CCDC171: variants seen among roughly 807,000 people sequenced by gnomAD.
CCDC171 encodes coiled-coil domain-containing protein 171.
A neutral mutation model predicts 168.2 loss-of-function variants in CCDC171; 177 were observed. The ratio of observed to expected loss-of-function variants is 1.05; its 90% CI spans 0.93 to 1.19. The LOEUF (loss-of-function observed/expected upper bound fraction) is 1.19, where lower values mean the gene tolerates loss of function less well. Among genes scored for constraint, CCDC171 ranks in the 50% most tolerant of loss-of-function variants. The pLI, the probability that CCDC171 is intolerant of heterozygous loss-of-function variation, is 0.00. For missense variants in CCDC171, 1,991 were observed against 1,539.0 expected (o/e 1.29, Z -4.91); for synonymous variants, 687 against 540.8 (o/e 1.27, Z -3.75).
intron 23 of CCDC171, among the ~76,000 whole-genome samples, chr9:15,858,393 C>G (rs1563883216): frequency 6.6e-6 from 1 of 151,934 alleles, no homozygotes; most frequent in Non-Finnish European, 1.5e-5. Flanking sequence ...CTCTTTTTGG[C>G]TATTTGAGGC....
chr9:15,666,340 A>G lies in CCDC171; in HGVS notation c.1076+17A>G, dbSNP rs2048731225. 1.9e-6 allele frequency: 3 copies of G among 1,549,018 alleles called. No homozygotes were observed. Among genetic ancestry groups the G allele is most frequent in the Non-Finnish European group, 2.6e-6 (3 of 1,132,310 alleles). On this transcript the variant is annotated intron_variant, in intron 9 of 25. Transcript: ENST00000380701. ...ACTAAATTTGTAAGTATTCTATTGTAAAATTCTCTAAATTAACATAAAGAT... is the reference window on the plus strand; with the variant it reads ...ACTAAATTTGTAAGTATTCTATTGTGAAATTCTCTAAATTAACATAAAGAT...
At chr9:15,985,747 T>TTTATTATTA (rs1459468127) in intron 3 of CCDC171, among the ~76,000 whole-genome samples, 1 of 152,204 alleles carries the variant, frequency 6.6e-6, no homozygotes, top group Non-Finnish European at 1.5e-5. Context: ...TTATTTCTGA[T>TTTATTATTA]CTTCCCATGA....
chr9:15,977,095 C>G (rs1489250443), downstream of CCDC171, among the ~76,000 whole-genome samples: 1 of 152,126 alleles, frequency 6.6e-6, no homozygotes, highest in African/African-American at 2.4e-5. Flanking sequence ...TAGAAGAGCT[C>G]CATCTTTTTT....
chr9:15,955,742 C>A (rs546397686), intron 25 of CCDC171, among the ~76,000 whole-genome samples: 2 of 152,118 alleles, frequency 1.3e-5, no homozygotes, highest in Non-Finnish European at 2.9e-5. Flanking sequence ...TGCCATCTTT[C>A]CAGAATCCTC....
At chr9:15,794,694 A>G (rs1175245469) in intron 21 of CCDC171, among the ~76,000 whole-genome samples, 1 of 152,222 alleles carries the variant, frequency 6.6e-6, no homozygotes, top group Non-Finnish European at 1.5e-5. Context: ...AAAGAACAAC[A>G]TGTGATACAG....
intron 9 of CCDC171, among the ~76,000 whole-genome samples, chr9:15,670,140 T>C (rs893927570): frequency 8.0e-4 from 121 of 152,116 alleles, no homozygotes; most frequent in African/African-American, 2.6e-3. Context: ...ACTTACTCCT[T>C]CTTGGTTGGG....
chr9:15,865,460 G>A (rs1246501447), intron 23 of CCDC171, among the ~76,000 whole-genome samples: 2 of 151,242 alleles, frequency 1.3e-5, no homozygotes, highest in East Asian at 2.0e-4. Flanking sequence ...CCACTTATAC[G>A]TGGATCTTCT....
intron 1 of CCDC171, among the ~76,000 whole-genome samples, chr9:16,046,616 T>A (rs925881942): frequency 3.3e-5 from 5 of 152,082 alleles, no homozygotes; most frequent in South Asian, 2.1e-4. Context: ...GGGTGGGAGA[T>A]AATTGAATCA....
rs2040915209 is a variant in CCDC171, at chr9:15,579,102, C to G, written c.352+79C>G. 4.6e-6 allele frequency: 5 copies of G among 1,087,972 alleles called. No individual in the cohort carries two copies. In the South Asian group the frequency reaches 4.8e-5, roughly 10 times the overall value. The allele number at this position is 1,087,972 out of a possible 1,614,324, so 67.4% of individuals were successfully genotyped here. A position where few individuals can be genotyped will look rare whatever the true frequency, so the allele number is the denominator to read the frequency against. On this transcript the variant is annotated intron_variant, in intron 4 of 25. Transcript: ENST00000380701. The stretch of plus-strand genomic sequence containing the variant: ...CACTCCTCGCTGTTGTGTGTACATC[C>G]CATACAGGGTCAGAGGTAAGATTCT...
At chr9:15,568,029 G>A (rs1185281276) in intron 2 of CCDC171, among the ~76,000 whole-genome samples, 1 of 143,132 alleles carries the variant, frequency 7.0e-6, no homozygotes, top group Admixed American at 6.9e-5. Context: ...TTTTGTTTTT[G>A]GATTGTTCAT....
chr9:15,790,285 A>G (rs1002155372), intron 21 of CCDC171, among the ~76,000 whole-genome samples: 1 of 152,196 alleles, frequency 6.6e-6, no homozygotes, highest in African/African-American at 2.4e-5. Flanking sequence ...AATGATTGCC[A>G]TTCTAACTGG....
chr9:15,896,900 G>A (rs959197886), intron 24 of CCDC171, among the ~76,000 whole-genome samples: 8 of 151,954 alleles, frequency 5.3e-5, no homozygotes, highest in African/African-American at 1.9e-4. Context: ...TATAAATAAC[G>A]AAGGGAGAGG....
intron 21 of CCDC171, among the ~76,000 whole-genome samples, chr9:15,828,138 A>G (rs192558689): frequency 6.6e-6 from 1 of 152,326 alleles, no homozygotes; most frequent in East Asian, 1.9e-4. Context: ...AATGTGAAAA[A>G]GATGATTTCA....
At chr9:15,868,253 T>G (rs2061874420) in intron 23 of CCDC171, among the ~76,000 whole-genome samples, 1 of 152,006 alleles carries the variant, frequency 6.6e-6, no homozygotes, top group Non-Finnish European at 1.5e-5. Flanking sequence ...ACCTCCCACT[T>G]TTCAAATTAT....
At chr9:16,070,021 C>T in the CCDC171 span, among the ~76,000 whole-genome samples, 1 of 152,188 alleles carries the variant, frequency 6.6e-6, no homozygotes, top group Non-Finnish European at 1.5e-5. Flanking sequence ...GTCTGTCTGA[C>T]TCTGCCTTGC....
intron 1 of CCDC171, among the ~76,000 whole-genome samples, chr9:16,055,213 G>C (rs547594407): frequency 6.6e-6 from 1 of 152,192 alleles, no homozygotes; most frequent in Non-Finnish European, 1.5e-5. Flanking sequence ...TGTTATCTTT[G>C]TTCGTTTATT....
At chr9:15,789,318 C>G (rs911155387) in intron 21 of CCDC171, among the ~76,000 whole-genome samples, 1 of 152,252 alleles carries the variant, frequency 6.6e-6, no homozygotes, top group African/African-American at 2.4e-5. Flanking sequence ...TACTTCTGGT[C>G]CTGAGCATTT....
At chr9:15,944,382 G>C (rs952386159) in intron 25 of CCDC171, among the ~76,000 whole-genome samples, 14 of 151,974 alleles carry the variant, frequency 9.2e-5, no homozygotes, top group South Asian at 4.1e-4. Flanking sequence ...TATAGTTTTT[G>C]AGCCAGAGGG....
chr9:15,700,323 C>T (rs548818190), intron 11 of CCDC171, among the ~76,000 whole-genome samples: 1,633 of 152,318 alleles, frequency 0.011, 36 homozygotes, highest in African/African-American at 0.038. Context: ...CAGGGCCGGC[C>T]GGCTGCTCTG....
Sources: allele counts gnomAD v4.1 joint callset (sites outside exome capture counted in the v4.1 genomes callset), GRCh38; gene constraint gnomAD v4.1.1; transcripts MANE v1.5; gene names NCBI Gene and HGNC (gene_info 2026-07-23, HGNC 2026-07-21).